Variants in CLVS1 observed in about 807,000 individuals in gnomAD.
The protein encoded by CLVS1 is clavesin-1.
CLVS1 carries 10 observed loss-of-function variants against 33.1 expected under a neutral mutation model. The ratio of observed to expected loss-of-function variants is 0.30; its 90% CI spans 0.19 to 0.51. CLVS1 has a LOEUF of 0.51. Ranked by LOEUF, CLVS1 falls within the 20% of genes least tolerant of loss-of-function variation. The pLI, the probability that CLVS1 is intolerant of heterozygous loss-of-function variation, is 0.97. For synonymous variants in CLVS1, 163 were observed against 166.1 expected, an observed-to-expected ratio of 0.98 and a Z score of 0.14; for missense variants, 343 against 433.4, an observed-to-expected ratio of 0.79 and a Z score of 1.85.
the CLVS1 span, among the ~76,000 whole-genome samples, chr8:61,033,112 AAGGAAGG>A: frequency 9.5e-3 from 462 of 48,480 alleles, 24 homozygotes; most frequent in African/African-American, 0.03. Context: ...AGAAAGAAAG[AAGGAAGG>A]AAGAAAGGAA....
At chr8:61,009,868 G>A in the CLVS1 span, among the ~76,000 whole-genome samples, 1 of 152,178 alleles carries the variant, frequency 6.6e-6, no homozygotes. Flanking sequence ...ACTTCCTGTG[G>A]AAAAATACCT....
At chr8:61,055,023 C>T (rs1389780508), upstream of CLVS1, among the ~76,000 whole-genome samples, 1 of 152,118 alleles carries the variant, frequency 6.6e-6, no homozygotes, top group East Asian at 1.9e-4. Context: ...CACACCAACC[C>T]TTTCATTATC....
chr8:61,082,769 G>T (rs894607785), intron 1 of CLVS1, among the ~76,000 whole-genome samples: 2 of 152,304 alleles, frequency 1.3e-5, no homozygotes, highest in Admixed American at 6.5e-5. Flanking sequence ...GATAGGCCAG[G>T]TGCAGTTGCT....
chr8:61,075,416 C>G (rs935467218), intron 1 of CLVS1, among the ~76,000 whole-genome samples: 2 of 152,182 alleles, frequency 1.3e-5, no homozygotes, highest in Non-Finnish European at 2.9e-5. Context: ...TGACAAAGCT[C>G]CAACATCTGC....
chr8:61,255,717 G>A lies in CLVS1; in HGVS notation c.-151-43960G>A, dbSNP rs545156723. Reference sequence around the variant, plus strand: ...AGAGGTCAAATAAATCTCTAGGGCAGCACGTTTTGTACTATCTGTCAAAAC... The same window carrying A: ...AGAGGTCAAATAAATCTCTAGGGCAACACGTTTTGTACTATCTGTCAAAAC... On this transcript the variant is annotated intron_variant, in intron 2 of 2. Coordinates refer to the CLVS1 transcript ENST00000522621. Among the ~76,000 whole-genome samples, 14 of 152,256 alleles carry A rather than the reference G, an allele frequency of 9.2e-5. No individual in the cohort carries two copies. The East Asian group carries it at 2.7e-3, about 29-fold the overall frequency.
At chr8:61,480,764 G>A (rs886903348) in intron 5 of CLVS1, among the ~76,000 whole-genome samples, 1 of 152,120 alleles carries the variant, frequency 6.6e-6, no homozygotes, top group Admixed American at 6.5e-5. Context: ...TTAGACTAGG[G>A]TACAGAAGGG....
At chr8:61,005,545 C>G in the CLVS1 span, among the ~76,000 whole-genome samples, 1 of 152,138 alleles carries the variant, frequency 6.6e-6, no homozygotes, top group South Asian at 2.1e-4. Flanking sequence ...CTCCAGTGGC[C>G]CTGCACGGTG....
At chr8:61,110,701 C>G (rs761825342) in intron 1 of CLVS1, among the ~76,000 whole-genome samples, 1 of 152,126 alleles carries the variant, frequency 6.6e-6, no homozygotes. Context: ...ATCTCCATTT[C>G]CTGCCTCCCC....
At chr8:61,434,958 G>T (rs541084956) in intron 3 of CLVS1, among the ~76,000 whole-genome samples, 32 of 152,260 alleles carry the variant, frequency 2.1e-4, no homozygotes, top group Non-Finnish European at 2.9e-5. Context: ...TATATTTTGG[G>T]TCTAAATATT....
At chr8:61,408,853 AG>A (rs1444188530) in intron 3 of CLVS1, among the ~76,000 whole-genome samples, 2 of 152,202 alleles carry the variant, frequency 1.3e-5, no homozygotes, top group Non-Finnish European at 2.9e-5. Context: ...TAAAACACTC[AG>A]TGCATTAAGA....
chr8:61,333,886 G>C (rs748079595), intron 2 of CLVS1, among the ~76,000 whole-genome samples: 3 of 152,076 alleles, frequency 2.0e-5, no homozygotes, highest in African/African-American at 4.8e-5. Context: ...CCCAGTGTGT[G>C]CTGTTCTCCT....
At chr8:61,046,151 G>T in the CLVS1 span, among the ~76,000 whole-genome samples, 10 of 144,992 alleles carry the variant, frequency 6.9e-5, no homozygotes, top group Non-Finnish European at 1.5e-4. Context: ...AATCCATCTT[G>T]AATTGATTTT....
chr8:61,255,726 GT>G (rs775176725), intron 2 of CLVS1, among the ~76,000 whole-genome samples: 116 of 152,188 alleles, frequency 7.6e-4, no homozygotes, highest in South Asian at 2.9e-3. Context: ...AGCACGTTTT[GT>G]ACTATCTGTC....
At chr8:61,201,743 T>G (rs1807737146) in intron 2 of CLVS1, among the ~76,000 whole-genome samples, 1 of 152,192 alleles carries the variant, frequency 6.6e-6, no homozygotes, top group African/African-American at 2.4e-5. Flanking sequence ...TGGTGCCTCC[T>G]AAATCCCTCT....
chr8:61,018,158 A>G, the CLVS1 span, among the ~76,000 whole-genome samples: 9,162 of 152,164 alleles, frequency 0.06, 372 homozygotes, highest in East Asian at 0.17. Context: ...CCCCTATTTG[A>G]TGAATGGAAT....
At chr8:60,988,285 C>A in the CLVS1 span, among the ~76,000 whole-genome samples, 1 of 152,106 alleles carries the variant, frequency 6.6e-6, no homozygotes, top group Non-Finnish European at 1.5e-5. Context: ...TTAGTAGCAA[C>A]CCAGATGACC....
Position 61,499,479 on chromosome 8 carries a change from G to T in CLVS1, c.1002G>T (p.Gly334=). Residue 334 remains glycine (G), a synonymous_variant, in exon 6 of 6, where the codon GGG becomes GGT. Coordinates refer to ENST00000325897, the MANE Select transcript of CLVS1 (RefSeq NM_173519.3). The part of the protein sequence containing the change: ...MKRSQSVVEA[G]TLKHEEKGEN... ...GATCTCAGTCTGTGGTAGAAGCTGG[G>T]ACCCTGAAACATGAGGAGAAGGGAG... The T allele has an allele frequency of 6.2e-7, 1 of 1,613,546 alleles. No homozygotes were observed. Among genetic ancestry groups the T allele is most frequent in the South Asian group, 1.1e-5 (1 of 91,038 alleles).
At chr8:61,006,639 C>T in the CLVS1 span, among the ~76,000 whole-genome samples, 2 of 152,184 alleles carry the variant, frequency 1.3e-5, no homozygotes, top group Non-Finnish European at 2.9e-5. Context: ...CATTTTCTAG[C>T]ATCTATAATT....
intron 2 of CLVS1, among the ~76,000 whole-genome samples, chr8:61,303,028 C>G (rs1380109473): frequency 6.6e-6 from 1 of 152,170 alleles, no homozygotes; most frequent in African/African-American, 2.4e-5. Context: ...GCCCCACCTC[C>G]AAGACTGAGG....
Sources: allele counts gnomAD v4.1 joint callset (sites outside exome capture counted in the v4.1 genomes callset), GRCh38; gene constraint gnomAD v4.1.1; transcripts MANE v1.5; gene names NCBI Gene and HGNC (gene_info 2026-07-23, HGNC 2026-07-21).